Variants in ABCA3 observed in about 807,000 individuals in gnomAD.
ABCA3 encodes the protein ATP binding cassette subfamily A member 3.
ABCA3 carries 88 observed loss-of-function variants against 172.8 expected under a neutral mutation model. The ratio of observed to expected loss-of-function variants is 0.51; its 90% CI spans 0.43 to 0.61. The LOEUF is 0.61. Among genes scored for constraint, ABCA3 ranks in the 20% least tolerant of loss-of-function variants. ABCA3 has a pLI of 0.00. For missense variants in ABCA3, 2,164 were observed against 2,301.0 expected (o/e 0.94, Z 1.22); for synonymous variants, 1,066 against 983.8 (o/e 1.08, Z -1.56).
rs1050992913 is a variant in ABCA3 at position 2,279,616 on chromosome 16, C to A, written c.4360-486G>T. ...CCACGTCCAGCTGAATTAAGACGTGCCTGCTGCCATCTGCTTAGCTACCTT... is the reference window on the plus strand; with the variant it reads ...CCACGTCCAGCTGAATTAAGACGTGACTGCTGCCATCTGCTTAGCTACCTT... On this transcript the variant is annotated intron_variant, in intron 28 of 32. Coordinates refer to ENST00000301732, the MANE Select transcript of ABCA3 (RefSeq NM_001089.3). This position sits in a 1 kb window ranked among gnomAD's most constrained non-coding sequence, Gnocchi z 4.4. 6.6e-6 allele frequency among the ~76,000 whole-genome samples: 1 copy of A among 152,208 alleles called. No individual in the cohort carries two copies. Among genetic ancestry groups the A allele is most frequent in the African/African-American group, 2.4e-5 (1 of 41,450 alleles).
intron 15 of ABCA3, 143 bp downstream of exon 15, chr16:2,298,243 C>A: frequency 1.5e-6 from 2 of 1,368,640 alleles, no homozygotes; most frequent in Non-Finnish European, 2.0e-6. Flanking sequence ...GTGAGAGGAA[C>A]CTCTCCTTGA....
At chr16:2,317,927 C>T (rs966024421) in intron 8 of ABCA3, among the ~76,000 whole-genome samples, 163 bp from the exon 9 acceptor site, 3 of 152,236 alleles carry the variant, frequency 2.0e-5, no homozygotes, top group African/African-American at 7.2e-5. Flanking sequence ...AACTCCTGGG[C>T]TCAAGTGATC....
In ABCA3 at chr16:2,278,906, C is replaced by T; in HGVS notation, c.4547+37G>A. The T allele has an allele frequency of 6.2e-7, 1 of 1,612,858 alleles. No homozygotes were observed. Among genetic ancestry groups the T allele is most frequent in the Non-Finnish European group, 8.5e-7 (1 of 1,179,984 alleles). On this transcript the variant is annotated intron_variant, in intron 29 of 32. Coordinates refer to ENST00000301732, the MANE Select transcript of ABCA3 (RefSeq NM_001089.3). The surrounding 1 kb of genome is among the most constrained non-coding windows in gnomAD (Gnocchi z 4.4). Reference sequence around the variant, plus strand: ...TATGCTATGGGGACCTTGATTCTGACTCCACTCTGGGAAGGGCCAGGGCTC... The same window carrying T: ...TATGCTATGGGGACCTTGATTCTGATTCCACTCTGGGAAGGGCCAGGGCTC...
chr16:2,304,725 GA>G (rs200326694), intron 11 of ABCA3, among the ~76,000 whole-genome samples: 16,375 of 149,862 alleles, frequency 0.11, 1,511 homozygotes, highest in East Asian at 0.39. Flanking sequence ...TCCCAGGCTG[GA>G]GTGCAGTGGC....
At position 2,283,120 on chromosome 16, in the gene ABCA3, G is replaced by A. The variant is rs868099319; in HGVS notation, c.4035+66C>T. On this transcript the variant is annotated intron_variant, in intron 26 of 32. Transcript: ENST00000301732. The surrounding 1 kb of genome is among the most constrained non-coding windows in gnomAD (Gnocchi z 5.4). ...GAAGGAGGTGGAGCTGCCCCAGGTT[G>A]TGCTGGGCCCAAGCAGAGACGTGGG... 4.6e-6 allele frequency: 7 copies of A among 1,529,970 alleles called. No homozygotes were observed. The highest frequency in any genetic ancestry group is 6.2e-6 in the Non-Finnish European group (7 of 1,120,912). The allele number at this position is 1,529,970 out of a possible 1,614,324, so 94.8% of individuals were successfully genotyped here. A position where few individuals can be genotyped will look rare whatever the true frequency, so the allele number is the denominator to read the frequency against.
At position 2,286,545 on chromosome 16, in the gene ABCA3, T is replaced by G. The variant is rs529931433; in HGVS notation, c.3278+149A>C. ...CACAGGGAGTTGGGGCTGTGGATGG[T>G]GGAGGAGGATGTGGCAGGGGTTTCC... On this transcript the variant is annotated intron_variant, in intron 22 of 32. Transcript: ENST00000301732. This position sits in a 1 kb window ranked among gnomAD's most constrained non-coding sequence, Gnocchi z 5.2. 9.5e-7 allele frequency: 1 copy of G among 1,051,588 alleles called. No homozygotes were observed. Among genetic ancestry groups the G allele is most frequent in the Non-Finnish European group, 1.4e-6 (1 of 728,668 alleles). 65.1% of individuals were successfully genotyped at this position (1,051,588 alleles called of 1,614,324 possible). A position where few individuals can be genotyped will look rare whatever the true frequency, so the allele number is the denominator to read the frequency against.
intron 1 of ABCA3, among the ~76,000 whole-genome samples, chr16:2,331,121 A>G (rs1057105980): frequency 6.6e-6 from 1 of 152,150 alleles, no homozygotes; most frequent in African/African-American, 2.4e-5. Context: ...ACTTCATACA[A>G]GTTTTGCATA....
chr16:2,291,325 CA>C (rs919126581), intron 19 of ABCA3, among the ~76,000 whole-genome samples: 2 of 149,414 alleles, frequency 1.3e-5, no homozygotes, highest in African/African-American at 4.9e-5. Context: ...GACTCTGTCT[CA>C]AAAAAAAAGA....
chr16:2,317,008 T>C (rs1309899222), intron 10 of ABCA3, among the ~76,000 whole-genome samples: 1 of 152,202 alleles, frequency 6.6e-6, no homozygotes, highest in African/African-American at 2.4e-5. Context: ...GCTCTGCACA[T>C]GGCCGGGCTC....
At chr16:2,335,957 G>C (rs1207445096) in intron 1 of ABCA3, among the ~76,000 whole-genome samples, 2 of 152,174 alleles carry the variant, frequency 1.3e-5, no homozygotes, top group Non-Finnish European at 1.5e-5. Context: ...TTTGTGAAAA[G>C]TTCCAAATCC....
Position 2,285,255 on chromosome 16 carries a change from G to A in ABCA3, c.3483+187C>T, listed in dbSNP as rs1001977264. On this transcript the variant is annotated intron_variant, in intron 23 of 32. Coordinates refer to ENST00000301732, the MANE Select transcript of ABCA3 (RefSeq NM_001089.3). The surrounding 1 kb of genome is among the most constrained non-coding windows in gnomAD (Gnocchi z 4.7). ...GCTCCGGGTGCTGCCCATGCATGGA[G>A]GGTAAAGGCTGAGGGTGCAGGGAGG... Among the ~76,000 whole-genome samples the A allele has an allele frequency of 6.6e-6, 1 of 152,226 alleles. No homozygotes were observed. The highest frequency in any genetic ancestry group is 2.4e-5 in the African/African-American group (1 of 41,476).
rs201863796 is a variant in ABCA3 at position 2,326,418 on chromosome 16, G to A, written c.49C>T (p.Leu17=). The A allele has an allele frequency of 2.5e-6, 4 of 1,613,000 alleles. 1 individual carries two copies. In the African/African-American group the frequency reaches 5.3e-5, roughly 21 times the overall value. ...LALLLWKNYT[L]QKRKVLVTVL... Reference sequence around the variant, plus strand: ...CCTCCAGAGTCTGGACGCACCTGCAGGGTGTAGTTCTTCCAGAGGAGGAGC... The same window carrying A: ...CCTCCAGAGTCTGGACGCACCTGCAAGGTGTAGTTCTTCCAGAGGAGGAGC... Residue 17 remains leucine (L), a synonymous_variant, in exon 4 of 33, where the codon CTG becomes TTG. Transcript: ENST00000301732.
intron 1 of ABCA3, chr16:2,339,244 G>A (rs2093756610): frequency 6.6e-6 from 1 of 152,178 alleles, no homozygotes; most frequent in Non-Finnish European, 1.5e-5. Flanking sequence ...GAGACTGCCT[G>A]GCTCATGCAG....
At chr16:2,290,076 C>T (rs1306094566) in intron 19 of ABCA3, among the ~76,000 whole-genome samples, 1 of 152,094 alleles carries the variant, frequency 6.6e-6, no homozygotes, top group South Asian at 2.1e-4. Flanking sequence ...CCCCGGCTGG[C>T]TTAGCAACAT....
intron 1 of ABCA3, among the ~76,000 whole-genome samples, chr16:2,340,099 C>A (rs1015909173): frequency 6.6e-6 from 1 of 152,246 alleles, no homozygotes; most frequent in South Asian, 2.1e-4. Context: ...CCAACCCGGG[C>A]GGCTTTGCCA....
At position 2,286,664 on chromosome 16, in the gene ABCA3, A is replaced by G. The variant is rs1352262309; in HGVS notation, c.3278+30T>C. 6.2e-7 allele frequency: 1 copy of G among 1,611,820 alleles called. No homozygotes were observed. The highest frequency in any genetic ancestry group is 1.1e-5 in the South Asian group (1 of 90,972). ...GCAGTCAGTCCTGGGGGCTCTGGCC[A>G]GGGCAGACAGGGACGGGCAGTGCAC... On this transcript the variant is annotated intron_variant, in intron 22 of 32. Transcript: ENST00000301732. This position sits in a 1 kb window ranked among gnomAD's most constrained non-coding sequence, Gnocchi z 5.2.
intron 5 of ABCA3, among the ~76,000 whole-genome samples, chr16:2,325,222 G>A (rs1377054108): frequency 6.6e-6 from 1 of 152,146 alleles, no homozygotes; most frequent in Non-Finnish European, 1.5e-5. Flanking sequence ...GGCACCACAC[G>A]GTCAAACTGT....
chr16:2,319,421 C>T (rs1033767134), intron 8 of ABCA3, among the ~76,000 whole-genome samples, 160 bp downstream of exon 8: 4 of 151,172 alleles, frequency 2.6e-5, no homozygotes, highest in Non-Finnish European at 5.9e-5. Context: ...GGAGGCAGAG[C>T]TTGCAGTGAG....
chr16:2,283,051 G>C lies in ABCA3; in HGVS notation c.4035+135C>G. 4.9e-6 allele frequency: 5 copies of C among 1,030,192 alleles called. No individual in the cohort carries two copies. In the South Asian group the frequency reaches 6.9e-5, roughly 14 times the overall value. 63.8% of individuals were successfully genotyped at this position (1,030,192 alleles called of 1,614,324 possible). ...GCTGTAAGTGCCGGCTGGTGCTGAG[G>C]CCGTACAGTGGGAGACCATCTGGTG... On this transcript the variant is annotated intron_variant, in intron 26 of 32. Coordinates refer to ENST00000301732, the MANE Select transcript of ABCA3 (RefSeq NM_001089.3). The surrounding 1 kb of genome is among the most constrained non-coding windows in gnomAD (Gnocchi z 5.4).
Sources: allele counts gnomAD v4.1 joint callset (sites outside exome capture counted in the v4.1 genomes callset), GRCh38; gene constraint gnomAD v4.1.1; non-coding constraint Gnocchi (gnomAD v3.1); transcripts MANE v1.5; gene names NCBI Gene and HGNC (gene_info 2026-07-23, HGNC 2026-07-21).